The following FNBP1 variants were observed in gnomAD, a reference collection of about 807,000 sequenced individuals.
The protein encoded by FNBP1 is formin binding protein 1, also known as formin-binding protein 1.
A neutral mutation model predicts 90.6 loss-of-function variants in FNBP1; 26 were observed. That is an observed-to-expected ratio of 0.29 (90% CI 0.21 to 0.40). The LOEUF (loss-of-function observed/expected upper bound fraction) is 0.40, where lower values mean the gene tolerates loss of function less well. Ranked by LOEUF, FNBP1 falls within the 10% of genes least tolerant of loss-of-function variation. FNBP1 has a pLI of 1.00. For missense variants in FNBP1, 635 were observed against 768.0 expected (o/e 0.83, Z 2.05); for synonymous variants, 260 against 265.2 (o/e 0.98, Z 0.19).
At chr9:129,993,479 T>TAA (rs71385500) in intron 2 of FNBP1, among the ~76,000 whole-genome samples, 12,890 of 141,050 alleles carry the variant, frequency 0.091, 714 homozygotes, top group Middle Eastern at 0.14. Flanking sequence ...CCAAAGTACT[T>TAA]AAAAAAAAAA....
chr9:129,951,285 G>A (rs911888434), intron 6 of FNBP1, among the ~76,000 whole-genome samples: 1 of 151,706 alleles, frequency 6.6e-6, no homozygotes, highest in Non-Finnish European at 1.5e-5. Flanking sequence ...GTAGAAACTG[G>A]GTTTCTGTAT....
At chr9:129,998,064 C>A (rs573422793) in intron 1 of FNBP1, among the ~76,000 whole-genome samples, 1 of 151,444 alleles carries the variant, frequency 6.6e-6, no homozygotes, top group South Asian at 2.1e-4. Context: ...GGCATGGTGG[C>A]ATGCACCTGT....
intron 1 of FNBP1, among the ~76,000 whole-genome samples, chr9:130,027,473 CTTGAATAAATGAAGAAGGGGTAGTGTT>C (rs2058448082): frequency 6.6e-6 from 1 of 152,022 alleles, no homozygotes; most frequent in Non-Finnish European, 1.5e-5. Flanking sequence ...TAGCTTTGTC[CTTGAATAAATGAAGAAGGGGTAGTGTT>C]AATACTATCT....
In FNBP1 at chr9:130,042,380, G is replaced by GC. The variant is rs2059905413; in HGVS notation, c.24+571_24+572insG. Among the ~76,000 whole-genome samples, 2 of 152,038 alleles carry GC rather than the reference G, an allele frequency of 1.3e-5. 1 individual carries two copies. Among genetic ancestry groups the GC allele is most frequent in the South Asian group, 4.1e-4 (2 of 4,828 alleles). ...TACCCCGAAAGAACAAGTGCGCCCG[G>GC]AGCCGCCACGGGCCAGAAGTCCTCG... On this transcript the variant is annotated intron_variant, in intron 1 of 16. Coordinates refer to ENST00000446176, the MANE Select transcript of FNBP1 (RefSeq NM_015033.3). This position sits in a 1 kb window ranked among gnomAD's most constrained non-coding sequence, Gnocchi z 5.5.
Position 129,994,899 on chromosome 9 carries a change from A to C in FNBP1, c.84T>G (p.Tyr28Ter). 2 of 1,610,130 alleles carry C rather than the reference A, an allele frequency of 1.2e-6. No homozygotes were observed. The highest frequency in any genetic ancestry group is 1.7e-6 in the Non-Finnish European group (2 of 1,177,490). ...TQWGIDILEK[Y>*]IKFVKERTEI... ...CTGTCCTTTCTTTCACAAACTTGATATATTTCTCAAGAATATCAATTCCCC... is the reference window on the plus strand; with the variant it reads ...CTGTCCTTTCTTTCACAAACTTGATCTATTTCTCAAGAATATCAATTCCCC... The change falls in exon 2 of 17, where the codon TAT becomes TAG. Residue 28 changes from tyrosine (Y) to a stop codon, truncating the protein, a stop_gained. Transcript: ENST00000446176. LOFTEE classifies it high-confidence loss of function.
intron 2 of FNBP1, among the ~76,000 whole-genome samples, chr9:129,993,736 T>C (rs1428754464): frequency 6.6e-6 from 1 of 151,728 alleles, no homozygotes; most frequent in Admixed American, 6.6e-5. Context: ...GCAGTTCTCA[T>C]GTCTCACCCT....
At chr9:129,949,728 C>CAA (rs113422076) in intron 6 of FNBP1, among the ~76,000 whole-genome samples, 22 of 141,292 alleles carry the variant, frequency 1.6e-4, no homozygotes, top group African/African-American at 3.9e-4. Flanking sequence ...ACAAACAAAA[C>CAA]AAAAAAAAAA....
At chr9:129,998,186 ACT>A (rs1225982514) in intron 1 of FNBP1, among the ~76,000 whole-genome samples, 3 of 110,502 alleles carry the variant, frequency 2.7e-5, no homozygotes, top group Non-Finnish European at 1.8e-5. Context: ...AAAGACAGAG[ACT>A]CTGTCTCGAA....
At position 129,887,229 on chromosome 9, in the gene FNBP1, A is replaced by G. The variant is rs2034809029; in HGVS notation, c.*3310T>C. 1 of 182,790 alleles carries G rather than the reference A, an allele frequency of 5.5e-6. No homozygotes were observed. Among genetic ancestry groups the G allele is most frequent in the Admixed American group, 6.3e-5 (1 of 15,994 alleles). 11.3% of individuals were successfully genotyped at this position (182,790 alleles called of 1,614,324 possible). A position where few individuals can be genotyped will look rare whatever the true frequency, so the allele number is the denominator to read the frequency against. On this transcript the variant is annotated 3_prime_UTR_variant, in exon 17 of 17. Coordinates refer to ENST00000446176, the MANE Select transcript of FNBP1 (RefSeq NM_015033.3). Reference sequence around the variant, plus strand: ...TTTAACACGAGATTAACATATAGTTACAAGGTCAATACAAGCCTCCAGTGG... The same window carrying G: ...TTTAACACGAGATTAACATATAGTTGCAAGGTCAATACAAGCCTCCAGTGG...
intron 16 of FNBP1, among the ~76,000 whole-genome samples, chr9:129,894,973 G>A (rs148162560): frequency 5.3e-5 from 8 of 152,084 alleles, no homozygotes; most frequent in Non-Finnish European, 7.4e-5. Context: ...CAGGAGAATC[G>A]CTTGAACCTG....
At chr9:130,027,160 A>C in intron 1 of FNBP1, among the ~76,000 whole-genome samples, 1 of 152,120 alleles carries the variant, frequency 6.6e-6, no homozygotes, top group South Asian at 2.1e-4. Flanking sequence ...GGTTATGACA[A>C]TAATGTAAAA....
At chr9:129,943,933 C>T (rs545228860) in intron 6 of FNBP1, among the ~76,000 whole-genome samples, 5,189 of 145,906 alleles carry the variant, frequency 0.036, 89 homozygotes, top group South Asian at 0.065. Flanking sequence ...GCAGAGCTTG[C>T]AGTGAGCCAA....
chr9:129,987,090 G>T (rs563604481), intron 2 of FNBP1, among the ~76,000 whole-genome samples: 44 of 152,080 alleles, frequency 2.9e-4, no homozygotes, highest in Non-Finnish European at 5.7e-4. Context: ...CCTACAGAGA[G>T]AAACATCTGG....
At chr9:129,993,232 A>AG (rs1273995273) in intron 2 of FNBP1, among the ~76,000 whole-genome samples, 2 of 151,092 alleles carry the variant, frequency 1.3e-5, no homozygotes, top group Admixed American at 6.6e-5. Flanking sequence ...CTCAAAAAAA[A>AG]AAAAAAAATT....
In FNBP1 at chr9:129,959,670, G is replaced by A. The variant is rs80249924; in HGVS notation, c.346-1117C>T. On this transcript the variant is annotated intron_variant, in intron 4 of 16. Coordinates refer to ENST00000446176, the MANE Select transcript of FNBP1 (RefSeq NM_015033.3). The stretch of plus-strand genomic sequence containing the variant: ...ACAGGAATGTTTTAAGACAGCGATC[G>A]CTTCATCTTTTTTAACTGCTTTGAG... Among the ~76,000 whole-genome samples the A allele has an allele frequency of 6.1e-3, 924 of 152,208 alleles. 6 individuals are homozygous for A. Among genetic ancestry groups the A allele is most frequent in the Middle Eastern group, 0.017 (5 of 294 alleles).
intron 1 of FNBP1, among the ~76,000 whole-genome samples, chr9:130,036,987 G>A (rs1191548294): frequency 6.6e-6 from 1 of 150,686 alleles, no homozygotes; most frequent in East Asian, 1.9e-4. Flanking sequence ...CGAGCTTGCA[G>A]TGAGCCGAAA....
In FNBP1 at chr9:129,899,980, G is replaced by C. The variant is rs1229696705; in HGVS notation, c.1672C>G (p.Leu558Val). ...GAAATGTCACCTTCAAATGTGTAGA[G>C]AGCTTTGCACGTCCCTATGGCAGGG... ...PLPAIGTCKA[L>V]YTFEGQNEGT... Residue 558 changes from leucine (L) to valine (V), a missense_variant, in exon 15 of 17, where the codon CTC becomes GTC. Coordinates refer to ENST00000446176, the MANE Select transcript of FNBP1 (RefSeq NM_015033.3). The C allele has an allele frequency of 8.7e-6, 14 of 1,607,714 alleles. No homozygotes were observed. The highest frequency in any genetic ancestry group is 1.2e-5 in the Non-Finnish European group (14 of 1,177,188).
rs56225951 is a variant in FNBP1, at chr9:130,031,808, A to T, written c.24+11144T>A. ...TCCCGAGTAGCTGGGATTACAGGCG[A>T]GCGCCATCATGCCTGGCTAAGTTTT... On this transcript the variant is annotated intron_variant, in intron 1 of 16. Coordinates refer to ENST00000446176, the MANE Select transcript of FNBP1 (RefSeq NM_015033.3). The surrounding 1 kb of genome is among the most constrained non-coding windows in gnomAD (Gnocchi z 4.2). Among the ~76,000 whole-genome samples the T allele has an allele frequency of 3.1e-4, 47 of 151,746 alleles. No homozygotes were observed. Among genetic ancestry groups the T allele is most frequent in the African/African-American group, 1.1e-3 (45 of 41,376 alleles).
At chr9:129,954,749 C>G (rs1029577865) in intron 6 of FNBP1, among the ~76,000 whole-genome samples, 1 of 152,288 alleles carries the variant, frequency 6.6e-6, no homozygotes, top group South Asian at 2.1e-4. Flanking sequence ...GTAATCCCAG[C>G]ACTTTGGGAG....
Sources: gnomAD v4.1 joint callset for allele counts (sites outside exome capture counted in the v4.1 genomes callset) on GRCh38, gnomAD v4.1.1 for gene constraint, Gnocchi (gnomAD v3.1) non-coding constraint, MANE v1.5 for transcripts, NCBI Gene and HGNC (gene_info 2026-07-23, HGNC 2026-07-21) for gene names.